ABCC1: variants seen among roughly 807,000 people sequenced by gnomAD.
ABCC1 encodes the protein multidrug resistance-associated protein 1.
A neutral mutation model predicts 172.9 loss-of-function variants in ABCC1; 83 were observed. That is an observed-to-expected ratio of 0.48 (90% CI 0.40 to 0.58). The LOEUF (loss-of-function observed/expected upper bound fraction) is 0.58. Among genes scored for constraint, ABCC1 ranks in the 20% least tolerant of loss-of-function variants. The pLI is 0.00. For synonymous variants in ABCC1, 937 were observed against 825.2 expected (o/e 1.14, Z -2.32); for missense variants, 1,817 against 2,002.7 (o/e 0.91, Z 1.77).
intron 1 of ABCC1, among the ~76,000 whole-genome samples, chr16:15,985,256 C>T (rs1013833666): frequency 7.9e-5 from 12 of 152,166 alleles, no homozygotes; most frequent in Admixed American, 1.3e-4. Context: ...ATTAGAAATG[C>T]CCTGGGAGGG....
chr16:15,978,425 A>G (rs1156596960), intron 1 of ABCC1, among the ~76,000 whole-genome samples: 1 of 152,186 alleles, frequency 6.6e-6, no homozygotes, highest in Non-Finnish European at 1.5e-5. Flanking sequence ...TCCTTGCTGT[A>G]TGAATGAGGA....
At chr16:16,081,084 T>C (rs1284439389) in intron 16 of ABCC1, among the ~76,000 whole-genome samples, 1 of 152,202 alleles carries the variant, frequency 6.6e-6, no homozygotes, top group African/African-American at 2.4e-5. Flanking sequence ...ACCTGGGTAG[T>C]CTAGAACTCC....
rs755262159 is a variant in ABCC1 at position 16,106,849 on chromosome 16, G to A, written c.2847G>A (p.Glu949=). The change falls in exon 21 of 31, where the codon GAG becomes GAA. Residue 949 remains glutamate (E), a synonymous_variant. Coordinates refer to ENST00000399410, the MANE Select transcript of ABCC1 (RefSeq NM_004996.4). The part of the protein sequence containing the change: ...AKKEETWKLM[E]ADKAQTGQVK... Reference sequence around the variant, plus strand: ...AGGAGGAGACCTGGAAGCTGATGGAGGCTGACAAGGCGCAGACAGGGCAGG... The same window carrying A: ...AGGAGGAGACCTGGAAGCTGATGGAAGCTGACAAGGCGCAGACAGGGCAGG... 14 of 1,614,176 alleles carry A rather than the reference G, an allele frequency of 8.7e-6. No individual in the cohort carries two copies. In the East Asian group the frequency reaches 2.5e-4, roughly 28 times the overall value.
Position 16,044,577 on chromosome 16 carries a change from C to T in ABCC1, c.937C>T (p.Leu313=), listed in dbSNP as rs1033147091. The T allele has an allele frequency of 2.5e-6, 4 of 1,614,192 alleles. No individual in the cohort carries two copies. The highest frequency in any genetic ancestry group is 3.4e-6 in the Non-Finnish European group (4 of 1,180,020). Residue 313 remains leucine (L), a synonymous_variant, in exon 8 of 31, where the codon CTG becomes TTG. Transcript: ENST00000399410. The part of the protein sequence containing the change: ...KSPQKEWNPS[L]FKVLYKTFGP... ...CCCACAGAAGGAGTGGAACCCCTCTCTGTTTAAGGTGTTATACAAGACCTT... is the reference window on the plus strand; with the variant it reads ...CCCACAGAAGGAGTGGAACCCCTCTTTGTTTAAGGTGTTATACAAGACCTT...
chr16:15,963,280 C>T (rs746964563), intron 1 of ABCC1, among the ~76,000 whole-genome samples: 4 of 152,242 alleles, frequency 2.6e-5, no homozygotes, highest in Non-Finnish European at 4.4e-5. Flanking sequence ...GGTATAGCCC[C>T]GCTCCTGGCT....
At chr16:16,063,810 C>G (rs1235619574) in intron 12 of ABCC1, among the ~76,000 whole-genome samples, 1 of 152,170 alleles carries the variant, frequency 6.6e-6, no homozygotes, top group Non-Finnish European at 1.5e-5. Context: ...AACAGAGAGT[C>G]TTACTCTTTT....
chr16:16,134,180 C>T (rs570955766), intron 27 of ABCC1, among the ~76,000 whole-genome samples, 170 bp from the exon 28 acceptor site: 3 of 152,052 alleles, frequency 2.0e-5, no homozygotes, highest in African/African-American at 4.8e-5. Flanking sequence ...GACCTTCGGC[C>T]GAAACACCCT....
intron 1 of ABCC1, among the ~76,000 whole-genome samples, chr16:15,982,989 A>C (rs928316389): frequency 7.2e-5 from 11 of 152,064 alleles, no homozygotes; most frequent in African/African-American, 2.4e-5. Flanking sequence ...GCATGTTCAT[A>C]TCAAATGTCA....
rs2050190192 is a variant in ABCC1, at chr16:16,068,242, G to A, written c.1764G>A (p.Leu588=). 1 of 1,614,044 alleles carries A rather than the reference G, an allele frequency of 6.2e-7. No homozygotes were observed. The highest frequency in any genetic ancestry group is 8.5e-7 in the Non-Finnish European group (1 of 1,180,040). The part of the protein sequence containing the change: ...DAQTAFVSLA[L]FNILRFPLNI... ...AGACAGCCTTCGTGTCTTTGGCCTT[G>A]TTCAACATCCTCCGGTTTCCCCTGA... Residue 588 remains leucine, a synonymous_variant, in exon 13 of 31, where the codon TTG becomes TTA. Transcript: ENST00000399410.
chr16:16,125,157 C>G (rs2045374649), intron 25 of ABCC1, among the ~76,000 whole-genome samples: 1 of 152,138 alleles, frequency 6.6e-6, no homozygotes, highest in Admixed American at 6.5e-5. Context: ...GAGGATACTT[C>G]CAGGTACGAG....
chr16:16,016,028 A>C (rs763522724), intron 4 of ABCC1, among the ~76,000 whole-genome samples: 20 of 151,792 alleles, frequency 1.3e-4, no homozygotes, highest in Middle Eastern at 3.4e-3. Context: ...CAGTGAGACT[A>C]CCCGTGATGG....
chr16:16,124,376 G>A, intron 24 of ABCC1, among the ~76,000 whole-genome samples: 1 of 31,286 alleles, frequency 3.2e-5, no homozygotes, highest in Admixed American at 3.5e-4. Flanking sequence ...ACTACGCCCG[G>A]CTGTGTGTGT....
chr16:16,107,234 G>A (rs930824250), intron 21 of ABCC1, among the ~76,000 whole-genome samples: 1 of 152,180 alleles, frequency 6.6e-6, no homozygotes, highest in East Asian at 1.9e-4. Context: ...ATGAGATGGT[G>A]TCCGGTTGTG....
chr16:16,020,269 G>A (rs1358660961), intron 5 of ABCC1, among the ~76,000 whole-genome samples: 2 of 152,182 alleles, frequency 1.3e-5, no homozygotes, highest in Non-Finnish European at 2.9e-5. Context: ...TCAAATGTGG[G>A]TGTGCAGGCT....
At chr16:16,045,731 T>A (rs776038621) in intron 8 of ABCC1, 105 bp from the exon 9 acceptor site, 128 of 1,122,706 alleles carry the variant, frequency 1.1e-4, no homozygotes, top group Admixed American at 3.4e-4. Context: ...TGATAGTGTC[T>A]AGCTCATCTG....
intron 1 of ABCC1, among the ~76,000 whole-genome samples, chr16:15,983,448 G>A (rs1730747573): frequency 6.6e-6 from 1 of 151,920 alleles, no homozygotes; most frequent in African/African-American, 2.4e-5. Context: ...GGGGAGTCAG[G>A]AAACCTATTT....
At chr16:16,063,804 G>C (rs1028089269) in intron 12 of ABCC1, among the ~76,000 whole-genome samples, 1 of 152,152 alleles carries the variant, frequency 6.6e-6, no homozygotes, top group African/African-American at 2.4e-5. Context: ...CCTGTGAACA[G>C]AGAGTCTTAC....
chr16:16,136,946 TCA>T (rs1430644711), intron 29 of ABCC1, among the ~76,000 whole-genome samples: 1 of 152,154 alleles, frequency 6.6e-6, no homozygotes, highest in African/African-American at 2.4e-5. Flanking sequence ...TACCAGTTGG[TCA>T]CTAGCACTGC....
intron 27 of ABCC1, among the ~76,000 whole-genome samples, chr16:16,132,604 T>C (rs1056829827): frequency 7.9e-5 from 11 of 139,288 alleles, no homozygotes; most frequent in Non-Finnish European, 1.1e-4. Context: ...TCACTGCAAC[T>C]TCTGCCTCCT....
Sources: gnomAD v4.1 joint callset for allele counts (sites outside exome capture counted in the v4.1 genomes callset) on GRCh38, gnomAD v4.1.1 for gene constraint, MANE v1.5 for transcripts, NCBI Gene and HGNC (gene_info 2026-07-23, HGNC 2026-07-21) for gene names.